Variants in RIMS2 observed in about 807,000 individuals in gnomAD.
RIMS2 encodes regulating synaptic membrane exocytosis 2.
A neutral mutation model predicts 174.4 loss-of-function variants in RIMS2; 59 were observed. The observed-to-expected ratio is 0.34, with a 90% CI of 0.27 to 0.42. The LOEUF (loss-of-function observed/expected upper bound fraction) is 0.42, where lower values mean the gene tolerates loss of function less well. Among genes scored for constraint, RIMS2 ranks in the 10% least tolerant of loss-of-function variants. The pLI, the probability that RIMS2 is intolerant of heterozygous loss-of-function variation, is 1.00. For missense variants in RIMS2, 1,620 were observed against 1,666.3 expected, an observed-to-expected ratio of 0.97 and a Z score of 0.48; for synonymous variants, 606 against 572.5, an observed-to-expected ratio of 1.06 and a Z score of -0.84.
chr8:103,608,480 C>T (rs1434035933), intron 1 of RIMS2, among the ~76,000 whole-genome samples: 1 of 144,404 alleles, frequency 6.9e-6, no homozygotes, highest in Non-Finnish European at 1.5e-5. Context: ...GTGGAGCCTA[C>T]AGAGGCAGGC....
chr8:103,849,768 A>G (rs1476379672), intron 3 of RIMS2, among the ~76,000 whole-genome samples: 3 of 152,052 alleles, frequency 2.0e-5, no homozygotes. Context: ...GGTAAAGGGT[A>G]TCTGTAAAGG....
chr8:103,909,990 C>CTATATA (rs112720274), intron 4 of RIMS2: 56 of 395,952 alleles, frequency 1.4e-4, no homozygotes, highest in African/African-American at 6.6e-4. Context: ...ATAGCACTCA[C>CTATATA]TATATATATA....
intron 2 of RIMS2, among the ~76,000 whole-genome samples, chr8:103,706,204 C>T (rs1199338392): frequency 6.6e-6 from 1 of 152,132 alleles, no homozygotes; most frequent in Non-Finnish European, 1.5e-5. Flanking sequence ...GAAAACTACA[C>T]TTTAGCTTCA....
intron 14 of RIMS2, among the ~76,000 whole-genome samples, chr8:103,947,102 T>A (rs916673930): frequency 2.2e-4 from 33 of 152,086 alleles, no homozygotes; most frequent in African/African-American, 7.0e-4. Flanking sequence ...AAAATTAACT[T>A]AAAATGGATA....
chr8:103,756,638 C>G (rs1455200495), intron 2 of RIMS2, among the ~76,000 whole-genome samples: 1 of 151,864 alleles, frequency 6.6e-6, no homozygotes, highest in Non-Finnish European at 1.5e-5. Flanking sequence ...GTTGCCCAGG[C>G]TGGTCTCGAA....
chr8:103,894,957 A>G (rs1019790821), intron 4 of RIMS2, among the ~76,000 whole-genome samples: 8 of 151,692 alleles, frequency 5.3e-5, no homozygotes. Context: ...AAATGAGAAA[A>G]TAATCATTAA....
At chr8:103,834,928 GC>G (rs2098863071) in intron 3 of RIMS2, among the ~76,000 whole-genome samples, 1 of 151,268 alleles carries the variant, frequency 6.6e-6, no homozygotes, top group African/African-American at 2.4e-5. Context: ...GCGCCATCCT[GC>G]CCAGCTAATT....
chr8:103,764,489 G>A (rs925310402), intron 2 of RIMS2, among the ~76,000 whole-genome samples: 2 of 152,102 alleles, frequency 1.3e-5, no homozygotes, highest in African/African-American at 4.8e-5. Flanking sequence ...TCACAAGATG[G>A]CATCAAAAGG....
In RIMS2 at chr8:103,789,749, C is replaced by CTTTT. The variant is rs11354049; in HGVS notation, c.698+23231_698+23234dup. On this transcript the variant is annotated intron_variant, in intron 3 of 23. Coordinates refer to ENST00000504942, the Ensembl canonical transcript of RIMS2. ...AACATATATTATGATGGATTGTACT[C>CTTTT]TTTTTTTTTTTTTTTTTTTTTTGAG... is the stretch of plus-strand genomic sequence containing the variant. Among the ~76,000 whole-genome samples the CTTTT allele has an allele frequency of 2.1e-3, 176 of 85,144 alleles. 9 individuals carry two copies. The highest frequency in any genetic ancestry group is 7.4e-3 in the African/African-American group (157 of 21,090). 55.9% of individuals were successfully genotyped at this position (85,144 alleles called of 152,430 possible). A position where few individuals can be genotyped will look rare whatever the true frequency, so the allele number is the denominator to read the frequency against.
intron 1 of RIMS2, among the ~76,000 whole-genome samples, chr8:103,574,755 G>A (rs563432251): frequency 6.6e-6 from 1 of 152,282 alleles, no homozygotes; most frequent in East Asian, 1.9e-4. Context: ...AAGCCCTTGG[G>A]AAGAGAAATA....
At position 103,944,146 on chromosome 8, in the gene RIMS2, G is replaced by A. The variant is rs560158576; in HGVS notation, c.2701+1220G>A. On this transcript the variant is annotated intron_variant, in intron 14 of 23. Transcript: ENST00000504942. ...TTTTATTTCCACTTAATACAGTCTT[G>A]TACCTTTGGATGGTATTAATTGAGC... is the stretch of plus-strand genomic sequence containing the variant. Among the ~76,000 whole-genome samples, 17 of 152,040 alleles carry A rather than the reference G, an allele frequency of 1.1e-4. 1 individual carries two copies. Among genetic ancestry groups the A allele is most frequent in the African/African-American group, 3.4e-4 (14 of 41,496 alleles).
chr8:103,640,158 C>G (rs1426283359), intron 1 of RIMS2, among the ~76,000 whole-genome samples: 1 of 151,850 alleles, frequency 6.6e-6, no homozygotes, highest in Admixed American at 6.6e-5. Flanking sequence ...TCCATTTCAT[C>G]AAAATTATCA....
chr8:103,548,058 C>A (rs376250269), intron 1 of RIMS2, among the ~76,000 whole-genome samples: 137 of 152,158 alleles, frequency 9.0e-4, no homozygotes, highest in African/African-American at 3.2e-3. Flanking sequence ...GCAGATGAAT[C>A]CACAGTTGGA....
At chr8:104,251,865 A>AC (rs1564016777), downstream of RIMS2, 4 of 1,159,904 alleles carry the variant, frequency 3.4e-6, no homozygotes, top group Non-Finnish European at 5.1e-6. Flanking sequence ...GTTACAAAAA[A>AC]AAAAAAAAAA....
At chr8:103,962,386 C>T (rs188323263) in intron 15 of RIMS2, among the ~76,000 whole-genome samples, 1 of 152,194 alleles carries the variant, frequency 6.6e-6, no homozygotes, top group African/African-American at 2.4e-5. Context: ...AAACCCTACC[C>T]CACTCAAAGT....
At chr8:104,168,239 G>A (rs895857527) in intron 19 of RIMS2, among the ~76,000 whole-genome samples, 1 of 152,012 alleles carries the variant, frequency 6.6e-6, no homozygotes, top group Non-Finnish European at 1.5e-5. Flanking sequence ...CATTAAATCT[G>A]TAGATTGCTT....
At chr8:103,773,390 G>C (rs2154428970) in intron 3 of RIMS2, among the ~76,000 whole-genome samples, 1 of 152,274 alleles carries the variant, frequency 6.6e-6, no homozygotes, top group African/African-American at 2.4e-5. Context: ...TTGCTAGTAA[G>C]TACAAGAAAT....
At chr8:103,506,449 T>G (rs1352460873) in intron 1 of RIMS2, among the ~76,000 whole-genome samples, 1 of 152,148 alleles carries the variant, frequency 6.6e-6, no homozygotes, top group African/African-American at 2.4e-5. Context: ...TATTAAACTC[T>G]GAGTTTCCTC....
intron 1 of RIMS2, among the ~76,000 whole-genome samples, chr8:103,586,394 C>T (rs970681355): frequency 1.3e-5 from 2 of 152,100 alleles, no homozygotes; most frequent in African/African-American, 2.4e-5. Context: ...TCATATCAAC[C>T]ATCTTCTCTG....
Sources: gnomAD v4.1 joint callset for allele counts (sites outside exome capture counted in the v4.1 genomes callset) on GRCh38, gnomAD v4.1.1 for gene constraint, MANE v1.5 for transcripts, NCBI Gene and HGNC (gene_info 2026-07-23, HGNC 2026-07-21) for gene names.